Variants in NXPE2 observed in about 807,000 individuals in gnomAD.
NXPE2 encodes NXPE family member 2.
In NXPE2, 34 loss-of-function variants were observed where a neutral mutation model predicts 34.4. The observed-to-expected ratio is 0.99, with a 90% confidence interval of 0.75 to 1.31. The LOEUF (loss-of-function observed/expected upper bound fraction) is 1.31. Ranked by LOEUF, NXPE2 falls within the 40% of genes most tolerant of loss-of-function variation. NXPE2 has a pLI of 0.00. For synonymous variants in NXPE2, 235 were observed against 231.3 expected (o/e 1.02, Z -0.15); for missense variants, 649 against 672.5 (o/e 0.97, Z 0.39).
At chr11:114,613,565 A>C in the NXPE2 span, among the ~76,000 whole-genome samples, 1 of 144,252 alleles carries the variant, frequency 6.9e-6, no homozygotes, top group East Asian at 2.2e-4. Flanking sequence ...AGTGTTGCCT[A>C]TTGGGTAACC....
At chr11:114,618,746 TCGTGCGTAG>T in the NXPE2 span, among the ~76,000 whole-genome samples, 1 of 152,094 alleles carries the variant, frequency 6.6e-6, no homozygotes, top group Non-Finnish European at 1.5e-5. Flanking sequence ...AAGTGTTATC[TCGTGCGTAG>T]CCACTGTTAT....
the NXPE2 span, among the ~76,000 whole-genome samples, chr11:114,764,630 T>A: frequency 6.6e-6 from 1 of 152,300 alleles, no homozygotes; most frequent in East Asian, 1.9e-4. Context: ...ATGTTTTGAA[T>A]CACTTGGATG....
the NXPE2 span, among the ~76,000 whole-genome samples, chr11:114,806,733 AT>A: frequency 6.6e-6 from 1 of 151,866 alleles, no homozygotes; most frequent in East Asian, 1.9e-4. Context: ...CCTGAAAGTG[AT>A]GGGGAGAATG....
chr11:114,661,716 G>T, the NXPE2 span, among the ~76,000 whole-genome samples: 1 of 152,198 alleles, frequency 6.6e-6, no homozygotes, highest in African/African-American at 2.4e-5. Context: ...AACTGCATTG[G>T]CCAAGGCCAC....
At chr11:114,807,297 A>C in the NXPE2 span, among the ~76,000 whole-genome samples, 46 of 152,316 alleles carry the variant, frequency 3.0e-4, 1 homozygote, top group African/African-American at 1.1e-3. Context: ...CGAGCAAAAT[A>C]ACAAGCTAAC....
chr11:114,654,909 A>G, the NXPE2 span, among the ~76,000 whole-genome samples: 1 of 152,304 alleles, frequency 6.6e-6, no homozygotes, highest in African/African-American at 2.4e-5. Context: ...GTCTTCCACA[A>G]TGATTGAACT....
the NXPE2 span, among the ~76,000 whole-genome samples, chr11:114,639,413 C>A: frequency 6.6e-6 from 1 of 151,850 alleles, no homozygotes; most frequent in Non-Finnish European, 1.5e-5. Context: ...TGACCCCTTG[C>A]GCTTCCTGAG....
At chr11:114,473,482 G>A in the NXPE2 span, among the ~76,000 whole-genome samples, 1 of 152,042 alleles carries the variant, frequency 6.6e-6, no homozygotes, top group African/African-American at 2.4e-5. Flanking sequence ...TGGATAAAAC[G>A]TTGTGATACA....
chr11:114,805,531 A>T, the NXPE2 span, among the ~76,000 whole-genome samples: 1 of 152,246 alleles, frequency 6.6e-6, no homozygotes, highest in Non-Finnish European at 1.5e-5. Flanking sequence ...ATGGCATACC[A>T]GGAGATTATA....
the NXPE2 span, among the ~76,000 whole-genome samples, chr11:114,724,378 A>C: frequency 0.93 from 141,176 of 152,212 alleles, 65,487 homozygotes; most frequent in East Asian, 0.94. Flanking sequence ...ATGGGGCTGC[A>C]ACATATTGAT....
At chr11:114,662,166 C>T in the NXPE2 span, among the ~76,000 whole-genome samples, 1 of 152,182 alleles carries the variant, frequency 6.6e-6, no homozygotes, top group African/African-American at 2.4e-5. Context: ...GAATTGCCAA[C>T]ACAACCCCAC....
chr11:114,739,509 A>G, the NXPE2 span, among the ~76,000 whole-genome samples: 14 of 151,910 alleles, frequency 9.2e-5, no homozygotes, highest in African/African-American at 3.4e-4. Flanking sequence ...TTTAAGGTAT[A>G]CAATGTGATG....
the NXPE2 span, among the ~76,000 whole-genome samples, chr11:114,721,910 A>C: frequency 6.6e-6 from 1 of 152,174 alleles, no homozygotes; most frequent in African/African-American, 2.4e-5. Context: ...GTAAGTGGAA[A>C]AGAGAAAGGC....
At chr11:114,650,792 T>G in the NXPE2 span, among the ~76,000 whole-genome samples, 30 of 151,908 alleles carry the variant, frequency 2.0e-4, no homozygotes, top group East Asian at 3.9e-4. Context: ...GGAAAGACTC[T>G]CTCTAAGTTC....
At chr11:114,599,347 C>A in the NXPE2 span, among the ~76,000 whole-genome samples, 1 of 152,164 alleles carries the variant, frequency 6.6e-6, no homozygotes, top group Non-Finnish European at 1.5e-5. Context: ...TTGGTGGCAA[C>A]AATTTAACAA....
chr11:114,802,983 G>A, the NXPE2 span, among the ~76,000 whole-genome samples: 65 of 152,106 alleles, frequency 4.3e-4, 1 homozygote, highest in Admixed American at 4.2e-3. Flanking sequence ...CAGAGAGGCC[G>A]TGGTGAAGCA....
chr11:114,473,974 G>A, the NXPE2 span, among the ~76,000 whole-genome samples: 1 of 152,218 alleles, frequency 6.6e-6, no homozygotes, highest in East Asian at 1.9e-4. Flanking sequence ...GTGGGGTGGA[G>A]GGCAGGAAGG....
At chr11:114,487,295 G>T in the NXPE2 span, among the ~76,000 whole-genome samples, 2 of 151,902 alleles carry the variant, frequency 1.3e-5, no homozygotes, top group Admixed American at 6.6e-5. Flanking sequence ...TTTTCAGATT[G>T]TTTACTATTG....
chr11:114,628,528 G>C, the NXPE2 span, among the ~76,000 whole-genome samples: 3 of 151,654 alleles, frequency 2.0e-5, no homozygotes, highest in Non-Finnish European at 2.9e-5. Flanking sequence ...GCAGTGTGTA[G>C]AGGGAAATTT....
Sources: allele counts gnomAD v4.1 joint callset (sites outside exome capture counted in the v4.1 genomes callset), GRCh38; gene constraint gnomAD v4.1.1; transcripts MANE v1.5; gene names NCBI Gene and HGNC (gene_info 2026-07-23, HGNC 2026-07-21).